RGS6: variants seen among roughly 807,000 people sequenced by gnomAD.
The protein encoded by RGS6 is regulator of G protein signaling 6, also known as regulator of G-protein signaling 6.
In RGS6, 30 loss-of-function variants were observed where a neutral mutation model predicts 78.5. The ratio of observed to expected loss-of-function variants is 0.38; its 90% CI spans 0.29 to 0.52. The LOEUF (loss-of-function observed/expected upper bound fraction) is 0.52, where lower values mean the gene tolerates loss of function less well. Ranked by LOEUF, RGS6 falls within the 20% of genes least tolerant of loss-of-function variation. RGS6 has a pLI of 0.85. For synonymous variants in RGS6, 206 were observed against 206.0 expected, an observed-to-expected ratio of 1.00 and a Z score of 0.00; for missense variants, 495 against 609.7, an observed-to-expected ratio of 0.81 and a Z score of 1.98.
At chr14:71,915,722 C>T in the RGS6 span, among the ~76,000 whole-genome samples, 45 of 152,244 alleles carry the variant, frequency 3.0e-4, no homozygotes, top group African/African-American at 9.9e-4. Flanking sequence ...TTGGGTCTCC[C>T]GTGCTCCCTG....
chr14:72,113,078 G>A (rs12896351), intron 2 of RGS6, among the ~76,000 whole-genome samples: 9 of 70,464 alleles, frequency 1.3e-4, no homozygotes, highest in Non-Finnish European at 1.9e-4. Context: ...ACACACACAC[G>A]CATGCACGCA....
intron 2 of RGS6, among the ~76,000 whole-genome samples, chr14:72,150,449 A>G (rs79590475): frequency 0.039 from 5,939 of 152,188 alleles, 156 homozygotes; most frequent in Middle Eastern, 0.082. Context: ...AGGAAATTAT[A>G]CACGAAGTTA....
chr14:72,406,727 A>G (rs1375114507), intron 3 of RGS6, among the ~76,000 whole-genome samples: 1 of 152,198 alleles, frequency 6.6e-6, no homozygotes, highest in East Asian at 1.9e-4. Context: ...CAGTATAGGT[A>G]TGTTCATCTT....
At chr14:71,916,402 GAA>G in the RGS6 span, among the ~76,000 whole-genome samples, 1 of 151,892 alleles carries the variant, frequency 6.6e-6, no homozygotes, top group African/African-American at 2.4e-5. Context: ...ACAGGCTGAG[GAA>G]GAAGATGCCC....
intron 2 of RGS6, among the ~76,000 whole-genome samples, chr14:72,305,791 A>G (rs1251119784): frequency 6.6e-6 from 1 of 152,248 alleles, no homozygotes; most frequent in Non-Finnish European, 1.5e-5. Flanking sequence ...AGGAAGAGTC[A>G]TACATCTCTC....
At chr14:72,128,341 A>C (rs1280929004) in intron 2 of RGS6, among the ~76,000 whole-genome samples, 4 of 152,148 alleles carry the variant, frequency 2.6e-5, no homozygotes, top group Non-Finnish European at 5.9e-5. Flanking sequence ...TTCTCTTTTG[A>C]TTAAATAATC....
At chr14:71,927,367 C>A in the RGS6 span, among the ~76,000 whole-genome samples, 1 of 152,148 alleles carries the variant, frequency 6.6e-6, no homozygotes, top group African/African-American at 2.4e-5. Context: ...CATTCTCAGA[C>A]ACACGGTTTT....
At chr14:72,612,958 A>T in the RGS6 span, among the ~76,000 whole-genome samples, 2 of 151,572 alleles carry the variant, frequency 1.3e-5, no homozygotes, top group East Asian at 3.9e-4. Context: ...GTCCTGGAGC[A>T]ACATCAAAGT....
the RGS6 span, among the ~76,000 whole-genome samples, chr14:71,911,359 T>G: frequency 1.3e-5 from 2 of 152,246 alleles, no homozygotes; most frequent in Non-Finnish European, 2.9e-5. Context: ...TTTGCCAGGA[T>G]GGGCAAGACA....
chr14:72,152,181 G>A (rs938532732), intron 2 of RGS6, among the ~76,000 whole-genome samples: 1 of 152,002 alleles, frequency 6.6e-6, no homozygotes, highest in Non-Finnish European at 1.5e-5. Context: ...ATTGGGAAGG[G>A]ATAAGGTAGT....
At chr14:72,391,909 C>A (rs1469642541) in intron 3 of RGS6, among the ~76,000 whole-genome samples, 1 of 152,186 alleles carries the variant, frequency 6.6e-6, no homozygotes, top group Non-Finnish European at 1.5e-5. Flanking sequence ...TCATCCATGT[C>A]CCTGCAAAGG....
intron 3 of RGS6, among the ~76,000 whole-genome samples, chr14:72,365,545 T>C (rs967065219): frequency 2.0e-5 from 3 of 152,194 alleles, no homozygotes; most frequent in Non-Finnish European, 4.4e-5. Flanking sequence ...AGGCATTTCT[T>C]GACTTTCCAT....
chr14:72,047,388 G>A (rs1252275900), intron 2 of RGS6, among the ~76,000 whole-genome samples: 2 of 152,166 alleles, frequency 1.3e-5, no homozygotes, highest in East Asian at 1.9e-4. Context: ...TATCTAAGAG[G>A]TATTATCCCC....
intron 2 of RGS6, among the ~76,000 whole-genome samples, chr14:72,195,583 AATGAGGCGCTTGAACGAAGAGCTG>A (rs1378068214): frequency 2.0e-5 from 3 of 152,180 alleles, no homozygotes; most frequent in African/African-American, 7.2e-5. Context: ...GTGGGAGAAA[AATGAGGCGCTTGAACGAAGAGCTG>A]AAGAGGTAGA....
At chr14:72,224,244 C>A (rs1319944271) in intron 2 of RGS6, among the ~76,000 whole-genome samples, 1 of 152,072 alleles carries the variant, frequency 6.6e-6, no homozygotes, top group Non-Finnish European at 1.5e-5. Flanking sequence ...CATGGTGAAA[C>A]CCCATCTCTA....
At chr14:72,298,451 TTTTTCC>T (rs2065316378) in intron 2 of RGS6, among the ~76,000 whole-genome samples, 1 of 73,638 alleles carries the variant, frequency 1.4e-5, no homozygotes, top group East Asian at 4.0e-4. Flanking sequence ...TTTTTTTTTT[TTTTTCC>T]CCCCCTCTGA....
rs1413238371 is a variant in RGS6 at position 72,242,849 on chromosome 14, T to C, written c.85-109246T>C. Among the ~76,000 whole-genome samples, 9 of 133,400 alleles carry C rather than the reference T, an allele frequency of 6.7e-5. 1 individual carries two copies. The highest frequency in any genetic ancestry group is 1.7e-4 in the African/African-American group (6 of 35,532). 87.5% of individuals were successfully genotyped at this position (133,400 alleles called of 152,430 possible). On this transcript the variant is annotated intron_variant, in intron 2 of 17. Transcript: ENST00000553525. ...AACTTCATTTCTTTTCTTTTTTTTT[T>C]TTTTTTTTTTTTTTTTTGAGATGGA...
At chr14:72,068,226 T>C (rs2094247748) in intron 2 of RGS6, among the ~76,000 whole-genome samples, 1 of 149,636 alleles carries the variant, frequency 6.7e-6, no homozygotes, top group Non-Finnish European at 1.5e-5. Context: ...CTCTGCCTTG[T>C]GGGGTTCAAG....
intron 13 of RGS6, among the ~76,000 whole-genome samples, chr14:72,496,648 G>C (rs2096648916): frequency 6.6e-6 from 1 of 152,154 alleles, no homozygotes; most frequent in South Asian, 2.1e-4. Flanking sequence ...TAAGTTGATT[G>C]GTCCTAGCCA....
Sources: gnomAD v4.1 joint callset for allele counts (sites outside exome capture counted in the v4.1 genomes callset) on GRCh38, gnomAD v4.1.1 for gene constraint, MANE v1.5 for transcripts, NCBI Gene and HGNC (gene_info 2026-07-23, HGNC 2026-07-21) for gene names.